The following KALRN variants were observed in gnomAD, a reference collection of about 807,000 sequenced individuals.
KALRN encodes kalirin RhoGEF kinase, also known as kalirin.
KALRN carries 70 observed loss-of-function variants against 353.7 expected under a neutral mutation model. The observed-to-expected ratio is 0.20, with a 90% CI of 0.16 to 0.24. The LOEUF is 0.24. Ranked by LOEUF, KALRN falls within the 10% of genes least tolerant of loss-of-function variation. KALRN has a pLI of 1.00. For synonymous variants in KALRN, 1,391 were observed against 1,434.8 expected, an observed-to-expected ratio of 0.97 and a Z score of 0.69; for missense variants, 2,791 against 3,756.7, an observed-to-expected ratio of 0.74 and a Z score of 6.72.
chr3:124,683,738 G>A (rs1029930254), intron 51 of KALRN, among the ~76,000 whole-genome samples: 1 of 152,162 alleles, frequency 6.6e-6, no homozygotes, highest in African/African-American at 2.4e-5. Flanking sequence ...GTTATCCTCA[G>A]TCATATACCA....
At chr3:124,136,498 C>A (rs113262288) in intron 1 of KALRN, among the ~76,000 whole-genome samples, 2 of 152,256 alleles carry the variant, frequency 1.3e-5, no homozygotes, top group African/African-American at 4.8e-5. Flanking sequence ...GTCCCCCCCC[C>A]ATTGATTGGA....
chr3:124,370,289 G>A (rs558111502), intron 10 of KALRN, among the ~76,000 whole-genome samples: 1 of 151,946 alleles, frequency 6.6e-6, no homozygotes, highest in Admixed American at 6.5e-5. Flanking sequence ...ACTGTAACGT[G>A]GATATCTAAT....
intron 34 of KALRN, among the ~76,000 whole-genome samples, chr3:124,608,246 A>G (rs2077562160): frequency 1.3e-5 from 2 of 151,860 alleles, no homozygotes; most frequent in South Asian, 4.2e-4. Context: ...GGCCCAAGTG[A>G]TCTGCCCACC....
chr3:124,637,079 T>A (rs1023506411), intron 36 of KALRN, 129 bp from the exon 37 acceptor site: 4 of 738,082 alleles, frequency 5.4e-6, no homozygotes, highest in Non-Finnish European at 9.6e-6. Context: ...CTCTGTCACC[T>A]CTTCCGTCTA....
At chr3:124,341,805 C>A (rs1464706352) in intron 9 of KALRN, among the ~76,000 whole-genome samples, 4 of 152,182 alleles carry the variant, frequency 2.6e-5, no homozygotes, top group Non-Finnish European at 5.9e-5. Flanking sequence ...ATAAGAGAAA[C>A]ACCCACTCCA....
chr3:124,117,633 G>A (rs1287424772), intron 1 of KALRN, among the ~76,000 whole-genome samples: 3 of 152,114 alleles, frequency 2.0e-5, no homozygotes, highest in African/African-American at 7.2e-5. Flanking sequence ...CAGTGTGTGT[G>A]TCGGGGGAGT....
chr3:124,584,400 T>A (rs1251593865), intron 34 of KALRN, among the ~76,000 whole-genome samples: 2 of 152,176 alleles, frequency 1.3e-5, no homozygotes, highest in African/African-American at 4.8e-5. Flanking sequence ...TGGCCCCATC[T>A]AGTTGTATTT....
At chr3:124,161,806 C>G (rs1254916495) in intron 1 of KALRN, among the ~76,000 whole-genome samples, 1 of 152,184 alleles carries the variant, frequency 6.6e-6, no homozygotes, top group East Asian at 1.9e-4. Context: ...AGATCAGAGC[C>G]ATAAGTATGA....
chr3:124,619,045 T>G (rs2149659347), intron 34 of KALRN, among the ~76,000 whole-genome samples: 1 of 152,328 alleles, frequency 6.6e-6, no homozygotes, highest in East Asian at 1.9e-4. Flanking sequence ...CTTTGTATCC[T>G]CTGGCCAACA....
At chr3:124,350,815 G>T (rs1048298692) in intron 10 of KALRN, among the ~76,000 whole-genome samples, 2 of 152,190 alleles carry the variant, frequency 1.3e-5, no homozygotes, top group Admixed American at 6.5e-5. Flanking sequence ...AGGAATGTTT[G>T]CTCTGAAAAG....
intron 2 of KALRN, among the ~76,000 whole-genome samples, chr3:124,233,416 C>A (rs912446798): frequency 3.3e-5 from 5 of 152,118 alleles, no homozygotes; most frequent in African/African-American, 1.2e-4. Flanking sequence ...GTCAAAGAAC[C>A]AGGGCTAGTG....
chr3:124,464,768 A>G (rs1410057166), intron 25 of KALRN, among the ~76,000 whole-genome samples: 1 of 151,956 alleles, frequency 6.6e-6, no homozygotes, highest in Non-Finnish European at 1.5e-5. Context: ...ATTTAGAAAC[A>G]GCAAACAAGA....
chr3:124,038,251 T>C (rs1169289664), intron 1 of KALRN, among the ~76,000 whole-genome samples: 1 of 151,848 alleles, frequency 6.6e-6, no homozygotes, highest in East Asian at 1.9e-4. Context: ...TGGGGCATGA[T>C]GAAAGAAAGA....
intron 1 of KALRN, among the ~76,000 whole-genome samples, chr3:124,104,248 G>A (rs971209461): frequency 6.6e-6 from 1 of 152,180 alleles, no homozygotes; most frequent in Non-Finnish European, 1.5e-5. Context: ...TGTCTTCTAA[G>A]GTCCTACTAT....
chr3:124,181,188 T>G (rs1251823735), intron 1 of KALRN, among the ~76,000 whole-genome samples: 2 of 151,344 alleles, frequency 1.3e-5, no homozygotes, highest in African/African-American at 2.4e-5. Flanking sequence ...GCGACAGAGA[T>G]TGCAGTAAGC....
At chr3:124,640,270 A>G (rs2081891137) in intron 37 of KALRN, among the ~76,000 whole-genome samples, 1 of 150,112 alleles carries the variant, frequency 6.7e-6, no homozygotes, top group African/African-American at 2.5e-5. Context: ...TGACTAATGC[A>G]TTCGATTCTT....
intron 1 of KALRN, among the ~76,000 whole-genome samples, chr3:124,038,502 G>T (rs1038253019): frequency 2.0e-5 from 3 of 152,170 alleles, no homozygotes; most frequent in Non-Finnish European, 4.4e-5. Context: ...TAGAACGAGT[G>T]TAGAGTTTGA....
chr3:124,588,025 G>T (rs1414666342), intron 34 of KALRN, among the ~76,000 whole-genome samples: 1 of 140,058 alleles, frequency 7.1e-6, no homozygotes, highest in African/African-American at 2.5e-5. Flanking sequence ...AGTACAGAAA[G>T]CAGGTTTGAT....
At chr3:124,173,326 A>G (rs1333832785) in intron 1 of KALRN, among the ~76,000 whole-genome samples, 2 of 152,344 alleles carry the variant, frequency 1.3e-5, no homozygotes, top group South Asian at 2.1e-4. Context: ...AACAGAGCCT[A>G]TGTAGTGGCC....
Sources: gnomAD v4.1 joint callset for allele counts (sites outside exome capture counted in the v4.1 genomes callset) on GRCh38, gnomAD v4.1.1 for gene constraint, MANE v1.5 for transcripts, NCBI Gene and HGNC (gene_info 2026-07-23, HGNC 2026-07-21) for gene names.